DLC1: variants seen among roughly 807,000 people sequenced by gnomAD.
DLC1 encodes the protein rho GTPase-activating protein 7.
DLC1 carries 54 observed loss-of-function variants against 140.3 expected under a neutral mutation model. The ratio of observed to expected loss-of-function variants is 0.38; its 90% CI spans 0.31 to 0.48. The LOEUF (loss-of-function observed/expected upper bound fraction) is 0.48. Among genes scored for constraint, DLC1 ranks in the 20% least tolerant of loss-of-function variants. The probability of loss-of-function intolerance (pLI) is 0.96; values close to 1 mark genes in which losing one functional copy is unlikely to be tolerated. For missense variants in DLC1, 2,536 were observed against 1,907.0 expected (o/e 1.33, Z -6.14); for synonymous variants, 986 against 728.1 (o/e 1.35, Z -5.70).
chr8:13,145,386 C>G (rs998164933), intron 5 of DLC1, among the ~76,000 whole-genome samples: 3 of 152,164 alleles, frequency 2.0e-5, no homozygotes, highest in Non-Finnish European at 4.4e-5. Context: ...TAAGTTTATA[C>G]TTTAAAATGC....
chr8:13,512,256 A>G (rs1448244693), intron 1 of DLC1, among the ~76,000 whole-genome samples: 1 of 152,066 alleles, frequency 6.6e-6, no homozygotes. Context: ...AAGTATCGTG[A>G]CACATTCTCT....
chr8:13,486,279 T>C (rs565639323), intron 2 of DLC1, among the ~76,000 whole-genome samples: 2 of 152,346 alleles, frequency 1.3e-5, no homozygotes, highest in East Asian at 3.9e-4. Context: ...TCCATTTTGC[T>C]TTAAAAAATC....
intron 5 of DLC1, among the ~76,000 whole-genome samples, chr8:13,292,709 G>C (rs963071151): frequency 1.3e-5 from 2 of 152,034 alleles, no homozygotes; most frequent in Non-Finnish European, 2.9e-5. Context: ...CTAAGTGATA[G>C]AATTCAAGTT....
Position 13,100,149 on chromosome 8 carries a change from G to T in DLC1, c.2188C>A (p.Arg730=). ...GTGGAGTTGGAAACGCTCCTCTTTCGTACCATGGGGACGTTGATGCGGTTG... is the reference window on the plus strand; with the variant it reads ...GTGGAGTTGGAAACGCTCCTCTTTCTTACCATGGGGACGTTGATGCGGTTG... ...NGNRINVPMV[R]KRSVSNSTQT... Residue 730 remains arginine, a synonymous_variant, in exon 9 of 18, where the codon CGA becomes AGA. Transcript: ENST00000276297. 6.2e-7 allele frequency: 1 copy of T among 1,614,110 alleles called. No homozygotes were observed. Among genetic ancestry groups the T allele is most frequent in the Non-Finnish European group, 8.5e-7 (1 of 1,180,036 alleles).
At chr8:13,463,866 C>G (rs974702435) in intron 2 of DLC1, among the ~76,000 whole-genome samples, 2 of 151,768 alleles carry the variant, frequency 1.3e-5, no homozygotes, top group African/African-American at 2.4e-5. Context: ...CAAGGGGACA[C>G]GAAAGAGCTC....
At chr8:13,236,663 C>G (rs969193877) in intron 5 of DLC1, among the ~76,000 whole-genome samples, 1 of 152,098 alleles carries the variant, frequency 6.6e-6, no homozygotes, top group Non-Finnish European at 1.5e-5. Context: ...TCTTACTGTA[C>G]TTGCTTTGGA....
In DLC1 at chr8:13,104,283, C is replaced by T. The variant is rs951075175; in HGVS notation, c.1503-1430G>A. ...TGTCATTTTGATACCAATACTTTCA[C>T]CTCTGCCAAACAGCAATATCAATTT... On this transcript the variant is annotated intron_variant, in intron 7 of 17. Coordinates refer to ENST00000276297, the MANE Select transcript of DLC1 (RefSeq NM_182643.3). 5.9e-5 allele frequency among the ~76,000 whole-genome samples: 9 copies of T among 151,620 alleles called. 1 individual carries two copies. Among genetic ancestry groups the T allele is most frequent in the Admixed American group, 1.3e-4 (2 of 15,218 alleles).
intron 4 of DLC1, among the ~76,000 whole-genome samples, chr8:13,383,482 A>G (rs1468997898): frequency 6.6e-6 from 1 of 152,172 alleles, no homozygotes; most frequent in Non-Finnish European, 1.5e-5. Flanking sequence ...TGAACTTTGA[A>G]CAGATGCTAT....
chr8:13,092,844 T>C lies in DLC1; in HGVS notation c.3527-19A>G. On this transcript the variant is annotated intron_variant, in intron 12 of 17. Coordinates refer to ENST00000276297, the MANE Select transcript of DLC1 (RefSeq NM_182643.3). ...GGCACATCTGCACGACACCAGCACT[T>C]TCTCCATCAGCTTGGTGAATTTGCA... 6.2e-7 allele frequency: 1 copy of C among 1,604,828 alleles called. No individual in the cohort carries two copies. The highest frequency in any genetic ancestry group is 1.3e-5 in the African/African-American group (1 of 74,846).
intron 2 of DLC1, among the ~76,000 whole-genome samples, chr8:13,440,872 C>T (rs1444885602): frequency 1.4e-4 from 21 of 152,162 alleles, no homozygotes; most frequent in Admixed American, 1.4e-3. Context: ...GAGGCCTCTC[C>T]AGCCATGTGG....
chr8:13,390,593 TA>T (rs1402635748), intron 4 of DLC1, among the ~76,000 whole-genome samples: 6 of 152,182 alleles, frequency 3.9e-5, no homozygotes, highest in Admixed American at 6.5e-5. Context: ...ATTCCCACCT[TA>T]AACCTAGATG....
chr8:13,327,607 T>G (rs1833422028), intron 4 of DLC1, among the ~76,000 whole-genome samples: 1 of 152,052 alleles, frequency 6.6e-6, no homozygotes, highest in South Asian at 2.1e-4. Flanking sequence ...CTTAAGCCAC[T>G]GTCCCCAGCT....
intron 5 of DLC1, among the ~76,000 whole-genome samples, chr8:13,117,137 G>A (rs531757845): frequency 6.6e-6 from 1 of 152,080 alleles, no homozygotes; most frequent in African/African-American, 2.4e-5. Context: ...AAACTATATT[G>A]CTGGAAAAAC....
In DLC1 at chr8:13,115,463, A is replaced by ATT. The variant is rs55809507; in HGVS notation, c.1420+121_1420+122dup. 1,999 of 939,730 alleles carry ATT rather than the reference A, an allele frequency of 2.1e-3. 6 individuals carry two copies. Among genetic ancestry groups the ATT allele is most frequent in the Non-Finnish European group, 2.5e-3 (1,671 of 655,868 alleles). 58.2% of individuals were successfully genotyped at this position (939,730 alleles called of 1,614,324 possible). ...GGTGGGGGTCTTGCATGCTTACAAC[A>ATT]TTTTTTTTAAAAATAAAACATTTAA... On this transcript the variant is annotated intron_variant, in intron 6 of 17. Transcript: ENST00000276297.
In DLC1 at chr8:13,090,160, C is replaced by A. The variant is rs1817922278; in HGVS notation, c.4074+92G>T. ...AGGGAGGTTGTGGGCTACAGATCCC[C>A]AGACAGATTAGTTGGCAAAAGCGTG... On this transcript the variant is annotated intron_variant, in intron 15 of 17. Coordinates refer to ENST00000276297, the MANE Select transcript of DLC1 (RefSeq NM_182643.3). 4.8e-6 allele frequency: 6 copies of A among 1,256,226 alleles called. No individual in the cohort carries two copies. In the East Asian group the frequency reaches 1.2e-4, roughly 25 times the overall value. 77.8% of individuals were successfully genotyped at this position (1,256,226 alleles called of 1,614,324 possible). A position where few individuals can be genotyped will look rare whatever the true frequency, so the allele number is the denominator to read the frequency against.
At chr8:13,308,586 T>C (rs2117536829) in intron 4 of DLC1, among the ~76,000 whole-genome samples, 1 of 152,278 alleles carries the variant, frequency 6.6e-6, no homozygotes, top group Admixed American at 6.5e-5. Flanking sequence ...TTAAAGCGGA[T>C]TGTTAATTCT....
At chr8:13,315,936 A>T (rs917010870) in intron 4 of DLC1, among the ~76,000 whole-genome samples, 3 of 152,232 alleles carry the variant, frequency 2.0e-5, no homozygotes, top group Non-Finnish European at 2.9e-5. Context: ...GTCTAGTATT[A>T]TATGAGATGC....
chr8:13,534,868 A>C (rs1229771969), intron 1 of DLC1, among the ~76,000 whole-genome samples: 1 of 152,128 alleles, frequency 6.6e-6, no homozygotes, highest in Non-Finnish European at 1.5e-5. Context: ...AATGGAAAAA[A>C]ATCTGAGAGA....
chr8:13,097,588 T>A (rs190991822), intron 10 of DLC1, among the ~76,000 whole-genome samples: 1 of 152,276 alleles, frequency 6.6e-6, no homozygotes, highest in East Asian at 1.9e-4. Context: ...AAAACAGGCA[T>A]GAATACGGTT....
Sources: gnomAD v4.1 joint callset for allele counts (sites outside exome capture counted in the v4.1 genomes callset) on GRCh38, gnomAD v4.1.1 for gene constraint, MANE v1.5 for transcripts, NCBI Gene and HGNC (gene_info 2026-07-23, HGNC 2026-07-21) for gene names.